The following C2CD5 variants were observed in gnomAD, a reference collection of about 807,000 sequenced individuals.
C2CD5 encodes the protein C2 domain-containing protein 5.
Under a neutral mutation model 130.3 loss-of-function variants are expected in C2CD5, and 109 were observed. The observed-to-expected ratio is 0.84, with a 90% CI of 0.72 to 0.98. The LOEUF (loss-of-function observed/expected upper bound fraction) is 0.98, where lower values mean the gene tolerates loss of function less well. Ranked by LOEUF, C2CD5 falls within the 50% of genes least tolerant of loss-of-function variation. The probability of loss-of-function intolerance (pLI) is 0.00; values close to 1 mark genes in which losing one functional copy is unlikely to be tolerated. For missense variants in C2CD5, 996 were observed against 1,261.8 expected (o/e 0.79, Z 3.19); for synonymous variants, 454 against 429.2 (o/e 1.06, Z -0.71).
At chr12:22,505,052 C>T (rs1948315776) in intron 10 of C2CD5, among the ~76,000 whole-genome samples, 1 of 152,142 alleles carries the variant, frequency 6.6e-6, no homozygotes, top group Admixed American at 6.5e-5. Flanking sequence ...CTGACTCGCA[C>T]TGTTTTTCTG....
intron 12 of C2CD5, among the ~76,000 whole-genome samples, chr12:22,486,425 T>C (rs1945527047): frequency 6.6e-6 from 1 of 152,162 alleles, no homozygotes; most frequent in Non-Finnish European, 1.5e-5. Context: ...CCAGTATTTC[T>C]ACATAAGGGA....
chr12:22,454,058 C>A lies in C2CD5; in HGVS notation c.2878-16G>T. 6.2e-7 allele frequency: 1 copy of A among 1,606,078 alleles called. No homozygotes were observed. ...CTCCTCCTTCCTAAATAATAGTGCA[C>A]AGGAAAATCATACTATATATACATG... On this transcript the variant is annotated splice_polypyrimidine_tract_variant and intron_variant, in intron 25 of 26. Transcript: ENST00000446597.
At chr12:22,487,442 C>A (rs1387107309) in intron 12 of C2CD5, among the ~76,000 whole-genome samples, 1 of 152,148 alleles carries the variant, frequency 6.6e-6, no homozygotes, top group East Asian at 1.9e-4. Context: ...CCAAAAGACA[C>A]ATGAAAAAAT....
chr12:22,493,698 A>G (rs1267316283), intron 10 of C2CD5, among the ~76,000 whole-genome samples: 1 of 152,084 alleles, frequency 6.6e-6, no homozygotes, highest in Non-Finnish European at 1.5e-5. Context: ...TCACTGAGTG[A>G]ACACCTTATG....
chr12:22,511,819 C>T (rs770164593), intron 9 of C2CD5, among the ~76,000 whole-genome samples: 2 of 152,124 alleles, frequency 1.3e-5, no homozygotes, highest in Admixed American at 1.3e-4. Context: ...AGGGAACCCA[C>T]ATTTTTCTGT....
Position 22,474,884 on chromosome 12 carries a change from G to A in C2CD5, c.1910C>T (p.Ser637Phe). ...ELYEINPPEI[S>F]EEIIGSPIPE... ...GATGGGTGATCCTATAATCTCTTCA[G>A]ATATCTCCTAAAAGAAATATAATTG... Residue 637 changes from serine (S) to phenylalanine (F), a missense_variant, in exon 16 of 27, where the codon TCT (serine) becomes TTT (phenylalanine). By Grantham distance (155) the Ser-to-Phe change is radical. This residue lies in a region of C2CD5 where 590 missense variants were observed against 631.4 expected (regional missense o/e 0.93). Transcript: ENST00000446597. 1 of 1,569,854 alleles carries A rather than the reference G, an allele frequency of 6.4e-7. No individual in the cohort carries two copies. The highest frequency in any genetic ancestry group is 8.6e-7 in the Non-Finnish European group (1 of 1,158,270).
At chr12:22,526,682 G>A (rs1950750785) in intron 4 of C2CD5, among the ~76,000 whole-genome samples, 2 of 152,048 alleles carry the variant, frequency 1.3e-5, no homozygotes, top group African/African-American at 2.4e-5. Context: ...ACCAGCCTGG[G>A]CAACACAGCG....
chr12:22,471,752 T>A (rs1208049940), intron 19 of C2CD5, among the ~76,000 whole-genome samples: 1 of 152,002 alleles, frequency 6.6e-6, no homozygotes, highest in Admixed American at 6.6e-5. Flanking sequence ...TTATGGAAGT[T>A]AAAGCTATTA....
At chr12:22,518,497 GTAAA>G (rs919296166) in intron 7 of C2CD5, among the ~76,000 whole-genome samples, 2 of 152,144 alleles carry the variant, frequency 1.3e-5, no homozygotes, top group African/African-American at 2.4e-5. Context: ...AATGGTGTGT[GTAAA>G]TATTCATAAT....
In C2CD5 at chr12:22,525,677, G is replaced by A. The variant is rs1950654626; in HGVS notation, c.378C>T (p.Val126=). ...HGIRGEINVV[V]KVDLFNDLNR... ...TTAAATCATTGAAGAGGTCTACTTT[G>A]ACAACTACATTGATTTCCCCACGGA... Residue 126 remains valine (V), a synonymous_variant, in exon 5 of 27, where the codon GTC becomes GTT. Coordinates refer to ENST00000446597, the MANE Select transcript of C2CD5 (RefSeq NM_001286176.2). 6.3e-7 allele frequency: 1 copy of A among 1,579,254 alleles called. No individual in the cohort carries two copies. The highest frequency in any genetic ancestry group is 8.7e-7 in the Non-Finnish European group (1 of 1,149,098).
intron 6 of C2CD5, among the ~76,000 whole-genome samples, chr12:22,524,247 T>C (rs1335989877): frequency 6.6e-6 from 1 of 152,168 alleles, no homozygotes; most frequent in Non-Finnish European, 1.5e-5. Flanking sequence ...TCCACTACAC[T>C]ACCTCATCAA....
chr12:22,529,671 G>A (rs1037058135), intron 3 of C2CD5, among the ~76,000 whole-genome samples: 3 of 152,072 alleles, frequency 2.0e-5, no homozygotes, highest in Middle Eastern at 3.2e-3. Flanking sequence ...GTTTAAATTA[G>A]CAATATGCAC....
intron 2 of C2CD5, among the ~76,000 whole-genome samples, chr12:22,540,370 TTTAC>T (rs989089908): frequency 1.3e-5 from 2 of 152,226 alleles, no homozygotes; most frequent in Non-Finnish European, 2.9e-5. Flanking sequence ...TACTGTATCT[TTTAC>T]TTACTTACCT....
intron 9 of C2CD5, among the ~76,000 whole-genome samples, chr12:22,508,125 T>C (rs569834317): frequency 6.6e-6 from 1 of 152,158 alleles, no homozygotes; most frequent in African/African-American, 2.4e-5. Context: ...GCACGGCAAC[T>C]TGGAATCATT....
intron 3 of C2CD5, among the ~76,000 whole-genome samples, chr12:22,530,111 T>TATACACAC (rs1301636778): frequency 7.4e-4 from 65 of 87,548 alleles, no homozygotes; most frequent in African/African-American, 3.9e-3. Context: ...TATATATATA[T>TATACACAC]ACACACACAC....
chr12:22,457,086 G>T lies in C2CD5; in HGVS notation c.2762C>A (p.Ser921Tyr). Residue 921 changes from serine to tyrosine, a missense_variant, in exon 25 of 27, where the codon TCC (serine) becomes TAC (tyrosine). Transcript: ENST00000446597. ...TGTCATCTTAACAACCCCAACTGTGGAATTTGCACAAGGTGGAGCAGAACG... is the reference window on the plus strand; with the variant it reads ...TGTCATCTTAACAACCCCAACTGTGTAATTTGCACAAGGTGGAGCAGAACG... ...RNRSAPPCAN[S>Y]TVGVVKMTPL... 1 of 1,613,138 alleles carries T rather than the reference G, an allele frequency of 6.2e-7. No homozygotes were observed. Among genetic ancestry groups the T allele is most frequent in the Non-Finnish European group, 8.5e-7 (1 of 1,179,486 alleles).
At chr12:22,476,652 T>C (rs190039421) in intron 15 of C2CD5, among the ~76,000 whole-genome samples, 5 of 152,136 alleles carry the variant, frequency 3.3e-5, no homozygotes, top group Admixed American at 3.3e-4. Context: ...GACAGATATA[T>C]AAAAACTAAG....
At chr12:22,453,801 A>G (rs756669307) in intron 26 of C2CD5, 95 bp downstream of exon 26, 4 of 1,110,216 alleles carry the variant, frequency 3.6e-6, no homozygotes, top group South Asian at 1.5e-5. Flanking sequence ...AAAGGGCTCT[A>G]AAGAGCAATT....
At position 22,523,472 on chromosome 12, in the gene C2CD5, C is replaced by T. The variant is rs566985092; in HGVS notation, c.754G>A (p.Ala252Thr). The T allele has an allele frequency of 8.7e-6, 14 of 1,614,034 alleles. No homozygotes were observed. The African/African-American group carries it at 1.1e-4, about 12-fold the overall frequency. ...ACTLDKLSSP[A>T]AFLPACNSPS... The stretch of plus-strand genomic sequence containing the variant: ...GAATTACATGCAGGAAGGAATGCTG[C>T]TGGGCTACTTAATTTATCCAGAGTA... The change falls in exon 7 of 27, where the codon GCA becomes ACA. Residue 252 changes from alanine to threonine, a missense_variant. Coordinates refer to ENST00000446597, the MANE Select transcript of C2CD5 (RefSeq NM_001286176.2).
Sources: gnomAD v4.1 joint callset for allele counts (sites outside exome capture counted in the v4.1 genomes callset) on GRCh38, gnomAD v4.1.1 for gene constraint, gnomAD v4.1.1 regional missense constraint, MANE v1.5 for transcripts, NCBI Gene and HGNC (gene_info 2026-07-23, HGNC 2026-07-21) for gene names.